PCDHB16: variants seen among roughly 807,000 people sequenced by gnomAD.
PCDHB16 encodes protocadherin beta-16.
For missense variants in PCDHB16, 1,026 were observed against 989.9 expected (o/e 1.04, Z -0.49); for synonymous variants, 444 against 436.5 (o/e 1.02, Z -0.21).
At position 141,184,606 on chromosome 5, in the gene PCDHB16, G is replaced by A. The variant is rs369265249; in HGVS notation, c.2047G>A (p.Ala683Thr). 6.2e-7 allele frequency: 1 copy of A among 1,612,588 alleles called. No homozygotes were observed. The highest frequency in any genetic ancestry group is 8.5e-7 in the Non-Finnish European group (1 of 1,179,810). The change falls in exon 1 of 1, where the codon GCC becomes ACC. Residue 683 changes from alanine (A) to threonine (T), a missense_variant. Physicochemically the swap from Ala to Thr is moderately conservative, Grantham distance 58 (BLOSUM62 0). Coordinates refer to ENST00000609684, the MANE Select transcript of PCDHB16 (RefSeq NM_020957.4). ...LPEAAPGQTQ[A>T]NSLTVYLVVA... The stretch of plus-strand genomic sequence containing the variant: ...AGAGGCGGCCCCCGGCCAGACCCAG[G>A]CCAACTCGCTCACTGTCTACCTGGT...
Position 141,184,919 on chromosome 5 carries a change from C to T in PCDHB16, c.*29C>T, listed in dbSNP as rs374994053. The T allele has an allele frequency of 1.9e-5, 30 of 1,606,524 alleles. No individual in the cohort carries two copies. The highest frequency in any genetic ancestry group is 2.1e-5 in the Non-Finnish European group (25 of 1,176,324). On this transcript the variant is annotated 3_prime_UTR_variant, in exon 1 of 1. Transcript: ENST00000609684. ...ACTAGGAAAGAAATAGATTAAAATT[C>T]CACCCTTCACAATAGCTTTGGATTT...
chr5:141,184,908 A>G lies in PCDHB16; in HGVS notation c.*18A>G. On this transcript the variant is annotated 3_prime_UTR_variant, in exon 1 of 1. Transcript: ENST00000609684. The stretch of plus-strand genomic sequence containing the variant: ...CTCCTTAGGGCACTAGGAAAGAAAT[A>G]GATTAAAATTCCACCCTTCACAATA... The G allele has an allele frequency of 1.9e-6, 3 of 1,610,066 alleles. 1 individual carries two copies. The highest frequency in any genetic ancestry group is 8.5e-7 in the Non-Finnish European group (1 of 1,178,036).
In PCDHB16 at chr5:141,183,670, T is replaced by G; in HGVS notation, c.1111T>G (p.Ser371Ala). Residue 371 changes from serine to alanine, a missense_variant, in exon 1 of 1, where the codon TCA becomes GCA. Physicochemically the swap from Ser to Ala is moderately conservative, Grantham distance 99. Transcript: ENST00000609684. ...GATAGTAGTTGCTGTTTTCAGCGTT[T>G]CAGATCCTGACTCCGGAAACAATGG... ...PEIVVAVFSV[S>A]DPDSGNNGKT... is the part of the protein sequence containing the mutation. 1.2e-6 allele frequency: 2 copies of G among 1,614,190 alleles called. No homozygotes were observed. The highest frequency in any genetic ancestry group is 1.7e-6 in the Non-Finnish European group (2 of 1,180,038).
chr5:141,184,960 C>A lies in PCDHB16; in HGVS notation c.*70C>A, dbSNP rs543360656. 1.9e-6 allele frequency: 3 copies of A among 1,550,964 alleles called. No individual in the cohort carries two copies. In the African/African-American group the frequency reaches 4.1e-5, roughly 21 times the overall value. ...CTTTGGATTTAATTATTGATAGGAA[C>A]CCATTTGATAAATTCCTTAACTTCT... On this transcript the variant is annotated 3_prime_UTR_variant, in exon 1 of 1. Transcript: ENST00000609684.
In PCDHB16 at chr5:141,183,614, T is replaced by G; in HGVS notation, c.1055T>G (p.Leu352Arg). ...DNPPQVTMSA[L>R]TSPIPENSPE... ...CCCCCACAGGTGACCATGTCTGCAC[T>G]CACCAGCCCCATCCCAGAGAACTCG... Residue 352 changes from leucine to arginine, a missense_variant, in exon 1 of 1, where the codon CTC becomes CGC. By Grantham distance (102) the Leu-to-Arg change is moderately radical. Transcript: ENST00000609684. 3 of 1,614,154 alleles carry G rather than the reference T, an allele frequency of 1.9e-6. No individual in the cohort carries two copies. The highest frequency in any genetic ancestry group is 1.3e-5 in the African/African-American group (1 of 75,036).
Position 141,182,779 on chromosome 5 carries a change from C to G in PCDHB16, c.220C>G (p.His74Asp). 1 of 1,614,004 alleles carries G rather than the reference C, an allele frequency of 6.2e-7. No homozygotes were observed. The highest frequency in any genetic ancestry group is 1.7e-5 in the Admixed American group (1 of 60,014). Residue 74 changes from histidine to aspartate, a missense_variant, in exon 1 of 1, where the codon CAT (histidine) becomes GAT (aspartate). Transcript: ENST00000609684. ...ARIISQGNKQHLQLKAQTGDL... is the reference protein window; with the variant it reads ...ARIISQGNKQDLQLKAQTGDL... ...GATCATTTCCCAGGGGAACAAACAG[C>G]ATTTGCAGCTCAAGGCTCAAACTGG...
At position 141,184,233 on chromosome 5, in the gene PCDHB16, G is replaced by A. The variant is rs868969657; in HGVS notation, c.1674G>A (p.Ser558=). ...TGGTGCTGGACGCCAACGACAACTC[G>A]CCCTTCGTGCTGTACCCGCTGCAGA... The part of the protein sequence containing the change: ...RVLVLDANDN[S]PFVLYPLQNG... Residue 558 remains serine, a synonymous_variant, in exon 1 of 1, where the codon TCG becomes TCA. Transcript: ENST00000609684. 2.5e-6 allele frequency: 4 copies of A among 1,577,158 alleles called. No individual in the cohort carries two copies. Among genetic ancestry groups the A allele is most frequent in the South Asian group, 1.1e-5 (1 of 89,702 alleles).
chr5:141,182,603 T>C lies in PCDHB16; in HGVS notation c.44T>C (p.Leu15Pro). ...CACAATCGGAGACAAAGGCAAGTCCTTGTTTTCTTTGTTTTGCTGAGCTTG... is the reference window on the plus strand; with the variant it reads ...CACAATCGGAGACAAAGGCAAGTCCCTGTTTTCTTTGTTTTGCTGAGCTTG... ...WMHNRRQRQVLVFFVLLSLSG... is the reference protein window; with the variant it reads ...WMHNRRQRQVPVFFVLLSLSG... Residue 15 changes from leucine (L) to proline (P), a missense_variant, in exon 1 of 1, where the codon CTT becomes CCT. Transcript: ENST00000609684. 1 of 1,538,654 alleles carries C rather than the reference T, an allele frequency of 6.5e-7. No individual in the cohort carries two copies. Among genetic ancestry groups the C allele is most frequent in the Non-Finnish European group, 8.7e-7 (1 of 1,145,714 alleles).
rs782681459 is a variant in PCDHB16, at chr5:141,184,590, C to T, written c.2031C>T (p.Ala677=). 1.2e-6 allele frequency: 2 copies of T among 1,612,322 alleles called. No homozygotes were observed. Among genetic ancestry groups the T allele is most frequent in the East Asian group, 2.2e-5 (1 of 44,882 alleles). Residue 677 remains alanine, a synonymous_variant, in exon 1 of 1, where the codon GCC becomes GCT. Transcript: ENST00000609684. The part of the protein sequence containing the change: ...SQPFLPLPEA[A]PGQTQANSLT... ...CCTTCCTGCCGCTCCCAGAGGCGGC[C>T]CCCGGCCAGACCCAGGCCAACTCGC...
In PCDHB16 at chr5:141,185,435, G is replaced by C. The variant is rs140169714; in HGVS notation, c.*545G>C. On this transcript the variant is annotated 3_prime_UTR_variant, in exon 1 of 1. Coordinates refer to ENST00000609684, the MANE Select transcript of PCDHB16 (RefSeq NM_020957.4). ...TTTTTTTTTTTCCTTTTTGAGACAG[G>C]GTCTTACTCTTGTCACCCAGGCTGG... 3,569 of 687,286 alleles carry C rather than the reference G, an allele frequency of 5.2e-3. 114 individuals are homozygous for C. The African/African-American group carries it at 0.067, about 13-fold the overall frequency. 42.6% of individuals were successfully genotyped at this position (687,286 alleles called of 1,614,324 possible).
Position 141,183,668 on chromosome 5 carries a change from T to A in PCDHB16, c.1109T>A (p.Val370Asp), listed in dbSNP as rs781850771. 25 of 1,614,058 alleles carry A rather than the reference T, an allele frequency of 1.5e-5. No individual in the cohort carries two copies. Among genetic ancestry groups the A allele is most frequent in the Non-Finnish European group, 2.0e-5 (24 of 1,180,032 alleles). The change falls in exon 1 of 1, where the codon GTT becomes GAT. Residue 370 changes from valine to aspartate, a missense_variant. By Grantham distance (152) the Val-to-Asp change is radical. Coordinates refer to ENST00000609684, the MANE Select transcript of PCDHB16 (RefSeq NM_020957.4). ...GAGATAGTAGTTGCTGTTTTCAGCG[T>A]TTCAGATCCTGACTCCGGAAACAAT... ...SPEIVVAVFS[V>D]SDPDSGNNGK...
In PCDHB16 at chr5:141,185,188, A is replaced by C; in HGVS notation, c.*298A>C. Reference sequence around the variant, plus strand: ...TGTCATTTAAAATTTTTCCGTCTTTATATTTTATTTACTTCCTATTCATTT... The same window carrying C: ...TGTCATTTAAAATTTTTCCGTCTTTCTATTTTATTTACTTCCTATTCATTT... On this transcript the variant is annotated 3_prime_UTR_variant, in exon 1 of 1. Coordinates refer to ENST00000609684, the MANE Select transcript of PCDHB16 (RefSeq NM_020957.4). 9.0e-7 allele frequency: 1 copy of C among 1,108,402 alleles called. No homozygotes were observed. The highest frequency in any genetic ancestry group is 1.1e-6 in the Non-Finnish European group (1 of 895,942). The allele number at this position is 1,108,402 out of a possible 1,614,324, so 68.7% of individuals were successfully genotyped here. A position where few individuals can be genotyped will look rare whatever the true frequency, so the allele number is the denominator to read the frequency against.
In PCDHB16 at chr5:141,185,363, T is replaced by C. The variant is rs1369602704; in HGVS notation, c.*473T>C. 1.2e-6 allele frequency: 1 copy of C among 816,182 alleles called. No homozygotes were observed. The highest frequency in any genetic ancestry group is 1.9e-5 in the African/African-American group (1 of 53,370). The allele number at this position is 816,182 out of a possible 1,614,324, so 50.6% of individuals were successfully genotyped here. A position where few individuals can be genotyped will look rare whatever the true frequency, so the allele number is the denominator to read the frequency against. On this transcript the variant is annotated 3_prime_UTR_variant, in exon 1 of 1. Transcript: ENST00000609684. The stretch of plus-strand genomic sequence containing the variant: ...TATTTTTGTTGGGCTCAATTTTCAT[T>C]ATAATACTTTTCTTAAAGTTTCTTT...
chr5:141,185,891 T>A lies in PCDHB16; in HGVS notation c.*1001T>A. ...AAGCCATTGTAAGACATTCAGTATG[T>A]GTAAATGTGTTTGTGTTTGTAGACA... On this transcript the variant is annotated 3_prime_UTR_variant, in exon 1 of 1. Transcript: ENST00000609684. The A allele has an allele frequency of 1.0e-6, 1 of 988,852 alleles. No homozygotes were observed. The highest frequency in any genetic ancestry group is 1.2e-6 in the Non-Finnish European group (1 of 819,608). 61.3% of individuals were successfully genotyped at this position (988,852 alleles called of 1,614,324 possible). A position where few individuals can be genotyped will look rare whatever the true frequency, so the allele number is the denominator to read the frequency against.
rs1206311923 is a variant in PCDHB16 at position 141,182,921 on chromosome 5, T to G, written c.362T>G (p.Leu121Arg). ...ENPLEIFQAE[L>R]RVIDINDHSP... ...CCTTTAGAAATATTTCAGGCTGAAC[T>G]GAGGGTGATAGATATAAATGACCAT... Residue 121 changes from leucine (L) to arginine (R), a missense_variant, in exon 1 of 1, where the codon CTG becomes CGG. By Grantham distance (102) the Leu-to-Arg change is moderately radical. Transcript: ENST00000609684. The G allele has an allele frequency of 6.2e-7, 1 of 1,614,020 alleles. No individual in the cohort carries two copies. Among genetic ancestry groups the G allele is most frequent in the Non-Finnish European group, 8.5e-7 (1 of 1,180,014 alleles).
Position 141,183,716 on chromosome 5 carries a change from A to T in PCDHB16, c.1157A>T (p.Gln386Leu). 1.2e-6 allele frequency: 2 copies of T among 1,614,216 alleles called. No homozygotes were observed. The highest frequency in any genetic ancestry group is 1.7e-6 in the Non-Finnish European group (2 of 1,180,030). Reference sequence around the variant, plus strand: ...AATGGGAAGACGATTTCCTCCATCCAGGAAGACCTTCCCTTTCTTCTAAAA... The same window carrying T: ...AATGGGAAGACGATTTCCTCCATCCTGGAAGACCTTCCCTTTCTTCTAAAA... ...GNNGKTISSI[Q>L]EDLPFLLKPS... Residue 386 changes from glutamine (Q) to leucine (L), a missense_variant, in exon 1 of 1, where the codon CAG becomes CTG. Transcript: ENST00000609684.
Position 141,183,862 on chromosome 5 carries a change from C to T in PCDHB16, c.1303C>T (p.His435Tyr), listed in dbSNP as rs1390865433. The stretch of plus-strand genomic sequence containing the variant: ...GGGGACTCCAAGGCTGAAAACGGAG[C>T]ACAACATAACAGTGCAGATATCAGA... ...DMGTPRLKTE[H>Y]NITVQISDVN... Residue 435 changes from histidine to tyrosine, a missense_variant, in exon 1 of 1, where the codon CAC (histidine) becomes TAC (tyrosine). Coordinates refer to ENST00000609684, the MANE Select transcript of PCDHB16 (RefSeq NM_020957.4). The T allele has an allele frequency of 1.9e-6, 3 of 1,614,088 alleles. No homozygotes were observed. The highest frequency in any genetic ancestry group is 2.5e-6 in the Non-Finnish European group (3 of 1,180,052).
At position 141,185,283 on chromosome 5, in the gene PCDHB16, AT is replaced by A; in HGVS notation, c.*395del. On this transcript the variant is annotated 3_prime_UTR_variant, in exon 1 of 1. Transcript: ENST00000609684. ...AGTATTAAAATAACCTGTTGCATGT[AT>A]TAGGCATATTTCCTATGTTACATTT... The A allele has an allele frequency of 1.1e-6, 1 of 941,468 alleles. No individual in the cohort carries two copies. The allele number at this position is 941,468 out of a possible 1,614,324, so 58.3% of individuals were successfully genotyped here.
In PCDHB16 at chr5:141,183,880, A is replaced by G. The variant is rs375944470; in HGVS notation, c.1321A>G (p.Ile441Val). The G allele has an allele frequency of 2.5e-5, 41 of 1,614,064 alleles. No individual in the cohort carries two copies. The African/African-American group carries it at 3.1e-4, about 12-fold the overall frequency. ...AACGGAGCACAACATAACAGTGCAG[A>G]TATCAGATGTCAATGATAACGCCCC... The part of the protein sequence containing the change: ...LKTEHNITVQ[I>V]SDVNDNAPTF... The change falls in exon 1 of 1, where the codon ATA (isoleucine) becomes GTA (valine). Residue 441 changes from isoleucine to valine, a missense_variant. Coordinates refer to ENST00000609684, the MANE Select transcript of PCDHB16 (RefSeq NM_020957.4).
Sources: allele counts gnomAD v4.1 joint callset, GRCh38; gene constraint gnomAD v4.1.1; transcripts MANE v1.5; gene names NCBI Gene and HGNC (gene_info 2026-07-23, HGNC 2026-07-21).